GREB1L: variants seen among roughly 807,000 people sequenced by gnomAD.
GREB1L encodes the protein GREB1-like protein.
Under a neutral mutation model 200.8 loss-of-function variants are expected in GREB1L, and 17 were observed. That is an observed-to-expected ratio of 0.08 (90% CI 0.06 to 0.13). The LOEUF is 0.13. Among genes scored for constraint, GREB1L ranks in the 10% least tolerant of loss-of-function variants. GREB1L has a pLI of 1.00. For synonymous variants in GREB1L, 789 were observed against 893.0 expected (o/e 0.88, Z 2.08); for missense variants, 1,657 against 2,367.7 (o/e 0.70, Z 6.23).
At chr18:21,363,287 G>GCCCCCCCCCCCCCCCCCCCCCCC (rs1224570798) in intron 1 of GREB1L, among the ~76,000 whole-genome samples, 1 of 8,268 alleles carries the variant, frequency 1.2e-4, no homozygotes, top group Non-Finnish European at 2.2e-4. Flanking sequence ...CCTCCCCCCC[G>GCCCCCCCCCCCCCCCCCCCCCCC]CCCCCCCCCC....
At chr18:21,319,015 C>A (rs925880868) in intron 1 of GREB1L, among the ~76,000 whole-genome samples, 3 of 152,138 alleles carry the variant, frequency 2.0e-5, no homozygotes, top group Admixed American at 6.6e-5. Context: ...TCTGTGAATG[C>A]GCAGCCAGTA....
chr18:21,308,389 G>A (rs548689719), intron 1 of GREB1L, among the ~76,000 whole-genome samples: 1 of 152,298 alleles, frequency 6.6e-6, no homozygotes, highest in South Asian at 2.1e-4. Flanking sequence ...CATTCTAGGT[G>A]TTCAGATAAT....
intron 4 of GREB1L, among the ~76,000 whole-genome samples, 193 bp from the exon 5 acceptor site, chr18:21,395,192 A>G (rs1157419005): frequency 6.6e-6 from 1 of 151,672 alleles, no homozygotes; most frequent in Non-Finnish European, 1.5e-5. Context: ...ATTTCCTTTC[A>G]ATGTCTTTTC....
intron 2 of GREB1L, among the ~76,000 whole-genome samples, chr18:21,373,000 T>C (rs1437121270): frequency 1.3e-5 from 2 of 152,068 alleles, no homozygotes; most frequent in Non-Finnish European, 2.9e-5. Flanking sequence ...GCCCAAGACA[T>C]TTCTTCTTCT....
chr18:21,387,553 C>T (rs2040595779), intron 4 of GREB1L: 1 of 152,160 alleles, frequency 6.6e-6, no homozygotes, highest in South Asian at 2.1e-4. Flanking sequence ...TAGATCCTCC[C>T]TTAGGATACT....
intron 7 of GREB1L, among the ~76,000 whole-genome samples, chr18:21,438,050 G>T (rs934174362): frequency 1.3e-5 from 2 of 152,126 alleles, no homozygotes; most frequent in African/African-American, 2.4e-5. Context: ...GGAGGCTGAG[G>T]AGGGTAGATC....
chr18:21,375,018 A>G (rs2072141723), intron 2 of GREB1L, among the ~76,000 whole-genome samples: 1 of 150,656 alleles, frequency 6.6e-6, no homozygotes, highest in African/African-American at 2.4e-5. Flanking sequence ...ATCTTGGCTA[A>G]TTTTTGATGT....
intron 1 of GREB1L, among the ~76,000 whole-genome samples, chr18:21,244,684 G>A (rs2037566918): frequency 6.6e-6 from 1 of 152,208 alleles, no homozygotes; most frequent in African/African-American, 2.4e-5. Flanking sequence ...GGTTAGAGAT[G>A]TTTAAACTAT....
chr18:21,323,055 C>G (rs2038973791), intron 1 of GREB1L, among the ~76,000 whole-genome samples: 1 of 152,172 alleles, frequency 6.6e-6, no homozygotes, highest in Non-Finnish European at 1.5e-5. Flanking sequence ...GAGGCCAAGT[C>G]AGGCAGATTG....
chr18:21,354,331 C>T (rs1419923472), intron 1 of GREB1L, among the ~76,000 whole-genome samples: 1 of 152,102 alleles, frequency 6.6e-6, no homozygotes, highest in Non-Finnish European at 1.5e-5. Flanking sequence ...CTCATGCCTG[C>T]AGTCCCAACA....
intron 1 of GREB1L, among the ~76,000 whole-genome samples, chr18:21,309,287 G>A (rs1353957584): frequency 1.3e-5 from 2 of 152,190 alleles, no homozygotes; most frequent in Non-Finnish European, 2.9e-5. Context: ...GGCTGTCAAT[G>A]CCTGCTAACC....
intron 1 of GREB1L, among the ~76,000 whole-genome samples, chr18:21,285,563 A>G (rs1004770732): frequency 9.9e-5 from 15 of 152,200 alleles, no homozygotes; most frequent in African/African-American, 2.9e-4. Flanking sequence ...TCTAGGTACA[A>G]AGATCCCTGG....
Position 21,516,750 on chromosome 18 carries a change from T to C in GREB1L, c.5267T>C (p.Ile1756Thr), listed in dbSNP as rs761979475. ...GQRDFIIKPKIMVSESLAPIL... is the reference protein window; with the variant it reads ...GQRDFIIKPKTMVSESLAPIL... ...AGGGACTTTATCATTAAACCAAAGATCATGGTGAGTACCGCAAGCTTGATT... is the reference window on the plus strand; with the variant it reads ...AGGGACTTTATCATTAAACCAAAGACCATGGTGAGTACCGCAAGCTTGATT... Residue 1756 changes from isoleucine (I) to threonine (T), a missense_variant, in exon 30 of 33, where the codon ATC (isoleucine) becomes ACC (threonine). Coordinates refer to ENST00000424526, the MANE Select transcript of GREB1L (RefSeq NM_001142966.3). The C allele has an allele frequency of 1.6e-5, 25 of 1,551,308 alleles. No homozygotes were observed. The South Asian group carries it at 2.9e-4, about 18-fold the overall frequency.
intron 15 of GREB1L, 175 bp downstream of exon 15, chr18:21,454,738 T>C (rs2034677400): frequency 4.8e-6 from 3 of 628,350 alleles, no homozygotes; most frequent in African/African-American, 3.7e-5. Flanking sequence ...CAAAGTACTC[T>C]GTCCTTTTTC....
chr18:21,428,332 C>CTTTTTTTTTTTTTTTTTT (rs59982674), intron 7 of GREB1L, among the ~76,000 whole-genome samples: 13 of 54,030 alleles, frequency 2.4e-4, no homozygotes, highest in Non-Finnish European at 3.6e-4. Context: ...GTCTTTTTGT[C>CTTTTTTTTTTTTTTTTTT]TTTTTTTTTT....
chr18:21,449,175 A>G (rs75542460), intron 11 of GREB1L, among the ~76,000 whole-genome samples: 4,061 of 152,320 alleles, frequency 0.027, 189 homozygotes, highest in African/African-American at 0.093. Flanking sequence ...GCCAAGCTTA[A>G]TAGGTCAAGA....
At chr18:21,350,320 C>G (rs1404951757) in intron 1 of GREB1L, among the ~76,000 whole-genome samples, 1 of 151,294 alleles carries the variant, frequency 6.6e-6, no homozygotes, top group African/African-American at 2.4e-5. Context: ...TCACTGCAAC[C>G]TCCGCCTCCT....
In GREB1L at chr18:21,525,719, G is replaced by T. The variant is rs2037674978; in HGVS notation, c.*2898G>T. Among the ~76,000 whole-genome samples the T allele has an allele frequency of 6.6e-6, 1 of 152,284 alleles. No individual in the cohort carries two copies. Among genetic ancestry groups the T allele is most frequent in the East Asian group, 1.9e-4 (1 of 5,190 alleles). Reference sequence around the variant, plus strand: ...TCAAACTTTTTGAGAGTGTCTCAAAGTTGCTAGAACTATGTAGTATGAAGA... The same window carrying T: ...TCAAACTTTTTGAGAGTGTCTCAAATTTGCTAGAACTATGTAGTATGAAGA... On this transcript the variant is annotated 3_prime_UTR_variant, in exon 33 of 33. Transcript: ENST00000424526.
chr18:21,457,891 A>G (rs891880858), intron 15 of GREB1L, among the ~76,000 whole-genome samples: 9 of 151,032 alleles, frequency 6.0e-5, no homozygotes, highest in Non-Finnish European at 1.3e-4. Context: ...GTTTCCTCAT[A>G]TGTCATCATG....
Sources: gnomAD v4.1 joint callset for allele counts (sites outside exome capture counted in the v4.1 genomes callset) on GRCh38, gnomAD v4.1.1 for gene constraint, MANE v1.5 for transcripts, NCBI Gene and HGNC (gene_info 2026-07-23, HGNC 2026-07-21) for gene names.